Variants in CADM2 observed in about 807,000 individuals in gnomAD.
CADM2 encodes cell adhesion molecule 2.
A neutral mutation model predicts 49.8 loss-of-function variants in CADM2; 12 were observed. That is an observed-to-expected ratio of 0.24 (90% CI 0.15 to 0.39). The LOEUF (loss-of-function observed/expected upper bound fraction) is 0.39, where lower values mean the gene tolerates loss of function less well. CADM2 is among the 10% of genes least tolerant of loss of function. CADM2 has a pLI of 1.00. For missense variants in CADM2, 378 were observed against 492.3 expected (o/e 0.77, Z 2.20); for synonymous variants, 214 against 175.4 (o/e 1.22, Z -1.74).
chr3:85,785,479 T>C (rs932093978), intron 2 of CADM2, among the ~76,000 whole-genome samples: 4 of 152,068 alleles, frequency 2.6e-5, no homozygotes, highest in Non-Finnish European at 4.4e-5. Context: ...ATCTGAATAT[T>C]GTAGTTGCGG....
At chr3:85,988,850 AAAG>A (rs1348758427) in intron 8 of CADM2, among the ~76,000 whole-genome samples, 1 of 152,198 alleles carries the variant, frequency 6.6e-6, no homozygotes, top group Non-Finnish European at 1.5e-5. Flanking sequence ...ACTGGTAAGC[AAAG>A]AAGGCTGAAC....
chr3:85,476,973 T>TC (rs1553728000), intron 1 of CADM2, among the ~76,000 whole-genome samples: 1 of 145,228 alleles, frequency 6.9e-6, no homozygotes, highest in African/African-American at 2.5e-5. Flanking sequence ...TACAATCATC[T>TC]CTCTATTGCA....
intron 1 of CADM2, among the ~76,000 whole-genome samples, chr3:85,628,195 A>G (rs1400504215): frequency 6.6e-6 from 1 of 152,036 alleles, no homozygotes; most frequent in Admixed American, 6.6e-5. Context: ...AGTAGATATA[A>G]TTACATAATA....
intron 1 of CADM2, among the ~76,000 whole-genome samples, chr3:85,605,505 G>A (rs914603708): frequency 6.6e-6 from 1 of 152,128 alleles, no homozygotes; most frequent in East Asian, 1.9e-4. Context: ...ATATAAGCAG[G>A]ATAAGACAGT....
intron 3 of CADM2, among the ~76,000 whole-genome samples, chr3:85,848,285 A>G (rs144528646): frequency 4.3e-4 from 66 of 152,226 alleles, no homozygotes; most frequent in African/African-American, 1.5e-3. Context: ...TATTGGATTC[A>G]TCATATCTCA....
At chr3:85,090,618 T>A (rs1394879091) in intron 1 of CADM2, among the ~76,000 whole-genome samples, 1 of 152,146 alleles carries the variant, frequency 6.6e-6, no homozygotes, top group African/African-American at 2.4e-5. Context: ...GATCTGAGAG[T>A]GCTCTAGACC....
At chr3:85,052,039 A>G (rs1244699703) in intron 1 of CADM2, among the ~76,000 whole-genome samples, 1 of 152,182 alleles carries the variant, frequency 6.6e-6, no homozygotes, top group Non-Finnish European at 1.5e-5. Context: ...ACTGCCTAGC[A>G]TATTCCATGC....
chr3:85,417,528 G>C (rs565199117), intron 1 of CADM2, among the ~76,000 whole-genome samples: 1 of 152,150 alleles, frequency 6.6e-6, no homozygotes, highest in African/African-American at 2.4e-5. Context: ...GTTAAAAGAG[G>C]TGGGGATTCT....
At chr3:85,034,629 G>A (rs2035130027) in intron 1 of CADM2, among the ~76,000 whole-genome samples, 1 of 151,960 alleles carries the variant, frequency 6.6e-6, no homozygotes, top group Admixed American at 6.6e-5. Context: ...CTGCTGGATA[G>A]TATGATAGCT....
chr3:85,196,187 A>C (rs1334822243), intron 1 of CADM2, among the ~76,000 whole-genome samples: 1 of 152,058 alleles, frequency 6.6e-6, no homozygotes, highest in South Asian at 2.1e-4. Context: ...AGCTCGTCTT[A>C]TGACAATTTG....
intron 1 of CADM2, among the ~76,000 whole-genome samples, chr3:85,482,216 C>T (rs1206802525): frequency 6.6e-6 from 1 of 151,670 alleles, no homozygotes; most frequent in Non-Finnish European, 1.5e-5. Context: ...AGGCCTGCTA[C>T]CAGGAGGCCT....
At chr3:85,569,703 AAAAAAAAAAAAG>A (rs1193895262) in intron 1 of CADM2, among the ~76,000 whole-genome samples, 3 of 78,522 alleles carry the variant, frequency 3.8e-5, no homozygotes, top group Middle Eastern at 8.5e-3. Flanking sequence ...TCTAATGGCA[AAAAAAAAAAAAG>A]AAAAAAAAAA....
At chr3:85,929,459 G>C (rs1034943367) in intron 6 of CADM2, among the ~76,000 whole-genome samples, 1 of 151,844 alleles carries the variant, frequency 6.6e-6, no homozygotes, top group African/African-American at 2.4e-5. Flanking sequence ...AGCATGTAAG[G>C]AAAAGTTTGG....
Position 85,148,278 on chromosome 3 carries a change from C to T in CADM2, c.61+188610C>T, listed in dbSNP as rs7621212. Among the ~76,000 whole-genome samples, 734 of 152,294 alleles carry T rather than the reference C, an allele frequency of 4.8e-3. 7 individuals carry two copies. The highest frequency in any genetic ancestry group is 0.017 in the African/African-American group (711 of 41,582). ...GCTTCCTAGGCTGCTAAAAAAGGAACAGCTGCAGCAGTAACAGGGCAACTT... is the reference window on the plus strand; with the variant it reads ...GCTTCCTAGGCTGCTAAAAAAGGAATAGCTGCAGCAGTAACAGGGCAACTT... On this transcript the variant is annotated intron_variant, in intron 1 of 9. Transcript: ENST00000383699.
At chr3:85,644,342 A>G (rs1328590990) in intron 1 of CADM2, among the ~76,000 whole-genome samples, 1 of 152,106 alleles carries the variant, frequency 6.6e-6, no homozygotes, top group Admixed American at 6.6e-5. Flanking sequence ...TTATGACCTC[A>G]TTATATTCTT....
intron 1 of CADM2, among the ~76,000 whole-genome samples, chr3:85,425,482 T>C (rs2036358030): frequency 6.6e-6 from 1 of 152,206 alleles, no homozygotes; most frequent in Admixed American, 6.5e-5. Context: ...ACCTCAAATA[T>C]GTATCTATTT....
At chr3:85,515,904 A>G (rs986416044) in intron 1 of CADM2, among the ~76,000 whole-genome samples, 1 of 152,142 alleles carries the variant, frequency 6.6e-6, no homozygotes, top group Non-Finnish European at 1.5e-5. Flanking sequence ...CTAAAATTAA[A>G]TAAGGCAATT....
intron 1 of CADM2, among the ~76,000 whole-genome samples, chr3:85,581,985 G>A (rs1468288075): frequency 6.6e-6 from 1 of 152,046 alleles, no homozygotes; most frequent in Non-Finnish European, 1.5e-5. Context: ...GGAGTGCAGT[G>A]GTGTGAACTC....
rs75263402 is a variant in CADM2, at chr3:85,651,984, C to CTTTTTTTTT, written c.62-74533_62-74525dup. Among the ~76,000 whole-genome samples the CTTTTTTTTT allele has an allele frequency of 1.4e-3, 151 of 105,484 alleles. 3 individuals are homozygous for CTTTTTTTTT. Among genetic ancestry groups the CTTTTTTTTT allele is most frequent in the African/African-American group, 3.4e-3 (97 of 28,210 alleles). 69.2% of individuals were successfully genotyped at this position (105,484 alleles called of 152,430 possible). The stretch of plus-strand genomic sequence containing the variant: ...AGGCGCCTGCCACCACGCCCGGCTA[C>CTTTTTTTTT]TTTTTTTTTTTTTAATTAGAGACGG... On this transcript the variant is annotated intron_variant, in intron 1 of 9. Transcript: ENST00000383699.
Sources: allele counts gnomAD v4.1 joint callset (sites outside exome capture counted in the v4.1 genomes callset), GRCh38; gene constraint gnomAD v4.1.1; transcripts MANE v1.5; gene names NCBI Gene and HGNC (gene_info 2026-07-23, HGNC 2026-07-21).